DAB1: variants seen among roughly 807,000 people sequenced by gnomAD.
DAB1 encodes disabled homolog 1.
Under a neutral mutation model 64.6 loss-of-function variants are expected in DAB1, and 15 were observed. That is an observed-to-expected ratio of 0.23 (90% confidence interval 0.16 to 0.36). The LOEUF (loss-of-function observed/expected upper bound fraction) is 0.36. DAB1 is among the 10% of genes least tolerant of loss of function. DAB1 has a pLI of 1.00. For missense variants in DAB1, 596 were observed against 706.7 expected, an observed-to-expected ratio of 0.84 and a Z score of 1.78; for synonymous variants, 235 against 251.9, an observed-to-expected ratio of 0.93 and a Z score of 0.64.
At chr1:58,005,632 T>C (rs997311851) in intron 5 of DAB1, among the ~76,000 whole-genome samples, 16 of 146,318 alleles carry the variant, frequency 1.1e-4, no homozygotes, top group African/African-American at 3.5e-4. Flanking sequence ...AAAAAGGCAG[T>C]GCCTCAAGAT....
intron 3 of DAB1, among the ~76,000 whole-genome samples, chr1:58,466,289 C>T (rs1645295331): frequency 6.6e-6 from 1 of 152,034 alleles, no homozygotes; most frequent in African/African-American, 2.4e-5. Context: ...TCCCTCCCCT[C>T]CCTTGCTCCT....
intron 6 of DAB1, among the ~76,000 whole-genome samples, chr1:57,752,488 T>C (rs1163282809): frequency 1.3e-5 from 2 of 152,220 alleles, no homozygotes; most frequent in African/African-American, 4.8e-5. Context: ...GGATGGAGTA[T>C]TAGCAAATGA....
chr1:57,543,213 T>A (rs1262682164), intron 7 of DAB1, among the ~76,000 whole-genome samples: 1 of 152,196 alleles, frequency 6.6e-6, no homozygotes, highest in Non-Finnish European at 1.5e-5. Flanking sequence ...GAATAGATAA[T>A]TAATACACTG....
At chr1:58,149,552 A>G (rs147785018) in intron 5 of DAB1, among the ~76,000 whole-genome samples, 32 of 152,284 alleles carry the variant, frequency 2.1e-4, no homozygotes, top group African/African-American at 7.5e-4. Flanking sequence ...TCGGATCCCA[A>G]ATTTGACAAG....
Position 57,907,693 on chromosome 1 carries a change from C to A in DAB1, n.388-23531G>T, listed in dbSNP as rs568999419. 2.6e-4 allele frequency among the ~76,000 whole-genome samples: 40 copies of A among 152,188 alleles called. No individual in the cohort carries two copies. The South Asian group carries it at 8.3e-3, about 32-fold the overall frequency. ...GCAGCATCAGTAGCAGTAGTCCAGT[C>A]TGTGTGAAGTCTGAGCCCTCTATCC... On this transcript the variant is annotated intron_variant and non_coding_transcript_variant, in intron 5 of 20. Coordinates refer to the DAB1 transcript ENST00000485760.
At chr1:58,038,650 C>A (rs969030811) in intron 5 of DAB1, among the ~76,000 whole-genome samples, 2 of 151,958 alleles carry the variant, frequency 1.3e-5, no homozygotes, top group African/African-American at 4.8e-5. Flanking sequence ...GTTATTGGGG[C>A]CAGGATTTAA....
intron 7 of DAB1, among the ~76,000 whole-genome samples, chr1:57,615,037 T>A (rs956765647): frequency 4.0e-5 from 6 of 151,878 alleles, no homozygotes; most frequent in Admixed American, 2.6e-4. Context: ...GCCTGGCTAA[T>A]TTTTTTGTAT....
chr1:58,314,464 G>A (rs772618491), intron 4 of DAB1, among the ~76,000 whole-genome samples: 4 of 152,060 alleles, frequency 2.6e-5, no homozygotes, highest in Non-Finnish European at 5.9e-5. Context: ...TTTATTTCAG[G>A]TGGAAGCTCC....
chr1:58,248,314 T>C (rs1179413420), intron 4 of DAB1, among the ~76,000 whole-genome samples: 1 of 152,110 alleles, frequency 6.6e-6, no homozygotes, highest in East Asian at 1.9e-4. Context: ...GCTCAGCTAC[T>C]CCTTCCGCTC....
intron 5 of DAB1, among the ~76,000 whole-genome samples, chr1:58,012,662 GCT>G (rs747266108): frequency 6.6e-6 from 1 of 152,076 alleles, no homozygotes; most frequent in Non-Finnish European, 1.5e-5. Flanking sequence ...GGTTGGTCTT[GCT>G]CTCTGTTTTC....
chr1:58,151,190 T>C (rs1654916059), intron 4 of DAB1, among the ~76,000 whole-genome samples: 1 of 152,226 alleles, frequency 6.6e-6, no homozygotes, highest in Non-Finnish European at 1.5e-5. Context: ...TGATTTATAA[T>C]CCTTTGGGTA....
At chr1:58,163,392 A>G (rs906999020) in intron 4 of DAB1, among the ~76,000 whole-genome samples, 2 of 152,186 alleles carry the variant, frequency 1.3e-5, no homozygotes, top group Admixed American at 6.5e-5. Context: ...ACCTATTACA[A>G]GTTCCAGGAA....
intron 7 of DAB1, among the ~76,000 whole-genome samples, chr1:57,503,160 T>A (rs1644308784): frequency 1.3e-5 from 2 of 152,222 alleles, no homozygotes; most frequent in African/African-American, 4.8e-5. Context: ...TTCTTCTATC[T>A]TTCCTGCTTT....
At chr1:58,206,947 C>G (rs1200432533) in intron 4 of DAB1, among the ~76,000 whole-genome samples, 1 of 152,174 alleles carries the variant, frequency 6.6e-6, no homozygotes, top group African/African-American at 2.4e-5. Context: ...CTGTTTTTAG[C>G]CTAGAGGGCC....
intron 7 of DAB1, among the ~76,000 whole-genome samples, chr1:57,465,793 T>G (rs1686936473): frequency 6.6e-6 from 1 of 152,220 alleles, no homozygotes; most frequent in East Asian, 1.9e-4. Context: ...ATCTTTCTGT[T>G]ATCTAGGATT....
intron 3 of DAB1, among the ~76,000 whole-genome samples, chr1:58,394,952 A>T (rs757624139): frequency 6.6e-5 from 10 of 152,104 alleles, no homozygotes; most frequent in Non-Finnish European, 1.3e-4. Context: ...ATGTCCAAAG[A>T]TAAGATATAT....
chr1:58,504,773 TTTA>T (rs1645960709), intron 3 of DAB1, among the ~76,000 whole-genome samples: 1 of 152,214 alleles, frequency 6.6e-6, no homozygotes, highest in Non-Finnish European at 1.5e-5. Context: ...GCATACCGTT[TTTA>T]TTTTTCTTAT....
intron 3 of DAB1, among the ~76,000 whole-genome samples, chr1:58,395,487 T>C (rs1158641495): frequency 1.3e-5 from 2 of 152,242 alleles, no homozygotes; most frequent in Non-Finnish European, 2.9e-5. Context: ...ATGTGGACGC[T>C]TCTGCTGGTT....
intron 6 of DAB1, among the ~76,000 whole-genome samples, chr1:57,702,557 G>A (rs941331689): frequency 3.3e-5 from 5 of 152,008 alleles, no homozygotes; most frequent in Non-Finnish European, 5.9e-5. Context: ...ATGCCATGAT[G>A]TTATAGAATG....
Sources: allele counts gnomAD v4.1 joint callset (sites outside exome capture counted in the v4.1 genomes callset), GRCh38; gene constraint gnomAD v4.1.1; transcripts MANE v1.5; gene names NCBI Gene and HGNC (gene_info 2026-07-23, HGNC 2026-07-21).